Variants in SLC22A23 observed in about 807,000 individuals in gnomAD.
The protein encoded by SLC22A23 is ion transporter protein.
A neutral mutation model predicts 61.0 loss-of-function variants in SLC22A23; 26 were observed. The ratio of observed to expected loss-of-function variants is 0.43; its 90% CI spans 0.31 to 0.59. The LOEUF is 0.59. Ranked by LOEUF, SLC22A23 falls within the 20% of genes least tolerant of loss-of-function variation. SLC22A23 has a pLI of 0.11. For missense variants in SLC22A23, 796 were observed against 934.7 expected (o/e 0.85, Z 1.94); for synonymous variants, 430 against 413.9 (o/e 1.04, Z -0.47).
At position 3,386,636 on chromosome 6, in the gene SLC22A23, C is replaced by G. The variant is rs991602785; in HGVS notation, c.913+23552G>C. 5.9e-5 allele frequency among the ~76,000 whole-genome samples: 9 copies of G among 152,214 alleles called. No homozygotes were observed. The highest frequency in any genetic ancestry group is 1.4e-4 in the African/African-American group (6 of 41,454). On this transcript the variant is annotated intron_variant, in intron 3 of 9. Coordinates refer to ENST00000406686, the MANE Select transcript of SLC22A23 (RefSeq NM_015482.2). The surrounding 1 kb of genome is among the most constrained non-coding windows in gnomAD (Gnocchi z 4.4). The stretch of plus-strand genomic sequence containing the variant: ...CTGGGGACAGCCCGAGAGCTCAGAA[C>G]GGCCTTCCAGGGCCAACCCTCTTGC...
intron 1 of SLC22A23, among the ~76,000 whole-genome samples, chr6:3,440,579 C>T (rs776914633): frequency 2.2e-4 from 33 of 151,760 alleles, no homozygotes; most frequent in Middle Eastern, 3.4e-3. Context: ...CGGTGGCGGG[C>T]GCCTGTAATC....
chr6:3,339,085 G>T (rs1026286844), intron 3 of SLC22A23, among the ~76,000 whole-genome samples: 2 of 152,224 alleles, frequency 1.3e-5, no homozygotes, highest in African/African-American at 2.4e-5. Flanking sequence ...GGAGGGAGGA[G>T]CCAGTCATTT....
intron 1 of SLC22A23, among the ~76,000 whole-genome samples, chr6:3,430,138 G>A (rs1770764387): frequency 6.6e-6 from 1 of 152,224 alleles, no homozygotes; most frequent in Non-Finnish European, 1.5e-5. Context: ...ACTTAAACAT[G>A]GATGGCAGAG....
At chr6:3,275,387 C>T (rs1045103178) in intron 9 of SLC22A23, among the ~76,000 whole-genome samples, 38 of 152,240 alleles carry the variant, frequency 2.5e-4, no homozygotes, top group Non-Finnish European at 1.2e-4. Flanking sequence ...AAGAGAAAAG[C>T]TTTATGACGT....
chr6:3,372,165 G>T lies in SLC22A23; in HGVS notation c.913+38023C>A, dbSNP rs376389812. 7.9e-5 allele frequency among the ~76,000 whole-genome samples: 12 copies of T among 152,326 alleles called. No homozygotes were observed. Among genetic ancestry groups the T allele is most frequent in the East Asian group, 7.7e-4 (4 of 5,186 alleles). Reference sequence around the variant, plus strand: ...CCAGGATCTGAGCTCTGCCTCGAGGGCACAGACTCCTGTGATGAGGCTGGA... The same window carrying T: ...CCAGGATCTGAGCTCTGCCTCGAGGTCACAGACTCCTGTGATGAGGCTGGA... On this transcript the variant is annotated intron_variant, in intron 3 of 9. Transcript: ENST00000406686. This position sits in a 1 kb window ranked among gnomAD's most constrained non-coding sequence, Gnocchi z 4.7.
chr6:3,287,675 G>GTTTTTTTTTTT (rs11418179), intron 6 of SLC22A23, among the ~76,000 whole-genome samples: 1 of 136,886 alleles, frequency 7.3e-6, no homozygotes. Flanking sequence ...ACAGGAAACT[G>GTTTTTTTTTTT]TTTTTTTTTT....
intron 1 of SLC22A23, among the ~76,000 whole-genome samples, chr6:3,445,495 C>T (rs890732625): frequency 1.5e-4 from 23 of 152,360 alleles, no homozygotes; most frequent in African/African-American, 3.4e-4. Context: ...CCACTGTGCC[C>T]GGCCACTCTT....
intron 9 of SLC22A23, among the ~76,000 whole-genome samples, chr6:3,278,803 T>C (rs1474640598): frequency 1.3e-5 from 2 of 152,198 alleles, no homozygotes; most frequent in Non-Finnish European, 2.9e-5. Flanking sequence ...ATAATGGACA[T>C]GATTTTAATG....
intron 3 of SLC22A23, among the ~76,000 whole-genome samples, chr6:3,343,914 A>G (rs1764283808): frequency 6.6e-6 from 1 of 152,258 alleles, no homozygotes; most frequent in Admixed American, 6.5e-5. Flanking sequence ...AATATTGAGA[A>G]TATTTTCTCA....
Position 3,286,802 on chromosome 6 carries a change from C to T in SLC22A23, c.1546+57G>A. 6.9e-7 allele frequency: 1 copy of T among 1,444,574 alleles called. No homozygotes were observed. Among genetic ancestry groups the T allele is most frequent in the Non-Finnish European group, 9.5e-7 (1 of 1,052,152 alleles). The allele number at this position is 1,444,574 out of a possible 1,614,324, so 89.5% of individuals were successfully genotyped here. A position where few individuals can be genotyped will look rare whatever the true frequency, so the allele number is the denominator to read the frequency against. ...GTCTTATGCAGCCCTTTCAAATGCC[C>T]TTGGGGATCTGCCAGCTTCCCTCCC... On this transcript the variant is annotated intron_variant, in intron 7 of 9. Coordinates refer to ENST00000406686, the MANE Select transcript of SLC22A23 (RefSeq NM_015482.2). The surrounding 1 kb of genome is among the most constrained non-coding windows in gnomAD (Gnocchi z 4.2).
chr6:3,393,838 A>G (rs1357979902), intron 3 of SLC22A23, among the ~76,000 whole-genome samples: 1 of 152,244 alleles, frequency 6.6e-6, no homozygotes, highest in Non-Finnish European at 1.5e-5. Flanking sequence ...ATCCCTCTGA[A>G]AAGAGGATAG....
rs114816279 is a variant in SLC22A23 at position 3,390,992 on chromosome 6, G to A, written c.913+19196C>T. Among the ~76,000 whole-genome samples the A allele has an allele frequency of 0.01, 1,578 of 152,274 alleles. 32 individuals are homozygous for A. The highest frequency in any genetic ancestry group is 0.036 in the African/African-American group (1,498 of 41,546). On this transcript the variant is annotated intron_variant, in intron 3 of 9. Coordinates refer to ENST00000406686, the MANE Select transcript of SLC22A23 (RefSeq NM_015482.2). This position sits in a 1 kb window ranked among gnomAD's most constrained non-coding sequence, Gnocchi z 4.0. ...GAGAATCATACCCTGACTCATTAGAGTGATGAAAAATTTCTCAAACTTACC... is the reference window on the plus strand; with the variant it reads ...GAGAATCATACCCTGACTCATTAGAATGATGAAAAATTTCTCAAACTTACC...
In SLC22A23 at chr6:3,455,888, G is replaced by A. The variant is rs1772376761; in HGVS notation, c.654+18C>T. On this transcript the variant is annotated intron_variant, in intron 1 of 9. Coordinates refer to ENST00000406686, the MANE Select transcript of SLC22A23 (RefSeq NM_015482.2). The stretch of plus-strand genomic sequence containing the variant: ...TGCAGGGAGAGGGTTGGAGGGACTG[G>A]GCGGCTGCGGCCCTTACCTTGCTGA... 3.4e-6 allele frequency: 5 copies of A among 1,480,712 alleles called. No individual in the cohort carries two copies. The highest frequency in any genetic ancestry group is 4.5e-6 in the Non-Finnish European group (5 of 1,110,216). The allele number at this position is 1,480,712 out of a possible 1,614,324, so 91.7% of individuals were successfully genotyped here.
At position 3,414,714 on chromosome 6, in the gene SLC22A23, G is replaced by C. The variant is rs1296578138; in HGVS notation, c.758+1038C>G. ...TATTTCCTCAAGGCCAAGATGTCTCGATTCACCAAAAAAAAAAAAAAAAAA... is the reference window on the plus strand; with the variant it reads ...TATTTCCTCAAGGCCAAGATGTCTCCATTCACCAAAAAAAAAAAAAAAAAA... On this transcript the variant is annotated intron_variant, in intron 2 of 9. Transcript: ENST00000406686. The surrounding 1 kb of genome is among the most constrained non-coding windows in gnomAD (Gnocchi z 5.1). 2.1e-5 allele frequency among the ~76,000 whole-genome samples: 2 copies of C among 93,326 alleles called. No homozygotes were observed. The highest frequency in any genetic ancestry group is 4.4e-5 in the African/African-American group (1 of 22,502). The allele number at this position is 93,326 out of a possible 152,430, so 61.2% of individuals were successfully genotyped here. A position where few individuals can be genotyped will look rare whatever the true frequency, so the allele number is the denominator to read the frequency against.
intron 2 of SLC22A23, among the ~76,000 whole-genome samples, chr6:3,413,734 T>C (rs1006337490): frequency 6.6e-6 from 1 of 152,236 alleles, no homozygotes; most frequent in African/African-American, 2.4e-5. Context: ...ACAGGGCCCA[T>C]AGCCGAGAGG....
At chr6:3,363,413 C>A (rs1050903423) in intron 3 of SLC22A23, among the ~76,000 whole-genome samples, 12 of 152,228 alleles carry the variant, frequency 7.9e-5, no homozygotes, top group African/African-American at 2.9e-4. Context: ...CCTCGGGGGA[C>A]TGTGACACCC....
At chr6:3,391,810 C>T (rs1325333088) in intron 3 of SLC22A23, among the ~76,000 whole-genome samples, 1 of 152,088 alleles carries the variant, frequency 6.6e-6, no homozygotes, top group Non-Finnish European at 1.5e-5. Flanking sequence ...GAGAAAGTTC[C>T]ACAGGCATCA....
intron 2 of SLC22A23, among the ~76,000 whole-genome samples, chr6:3,412,398 G>T (rs1458103048): frequency 2.0e-5 from 3 of 152,128 alleles, no homozygotes; most frequent in African/African-American, 7.2e-5. Flanking sequence ...GTTCCCTTTG[G>T]TAAGGGCCAA....
chr6:3,307,974 C>T (rs936731532), intron 4 of SLC22A23, among the ~76,000 whole-genome samples: 2 of 152,152 alleles, frequency 1.3e-5, no homozygotes, highest in Non-Finnish European at 2.9e-5. Flanking sequence ...AATAAGCCAG[C>T]TGCCGAGGGA....
Sources: gnomAD v4.1 joint callset for allele counts (sites outside exome capture counted in the v4.1 genomes callset) on GRCh38, gnomAD v4.1.1 for gene constraint, Gnocchi (gnomAD v3.1) non-coding constraint, MANE v1.5 for transcripts, NCBI Gene and HGNC (gene_info 2026-07-23, HGNC 2026-07-21) for gene names.